APOL4: variants seen among roughly 807,000 people sequenced by gnomAD.
APOL4 encodes the protein apolipoprotein L4.
A neutral mutation model predicts 12.1 loss-of-function variants in APOL4; 14 were observed. The ratio of observed to expected loss-of-function variants is 1.16; its 90% CI spans 0.76 to 1.81. The LOEUF is 1.81. APOL4 is among the 40% of genes most tolerant of loss of function. The pLI, the probability that APOL4 is intolerant of heterozygous loss-of-function variation, is 0.00. For missense variants in APOL4, 432 were observed against 423.1 expected (o/e 1.02, Z -0.18); for synonymous variants, 171 against 160.6 (o/e 1.06, Z -0.49).
chr22:36,192,609 G>A (rs2014291254), intron 3 of APOL4, among the ~76,000 whole-genome samples: 1 of 152,166 alleles, frequency 6.6e-6, no homozygotes, highest in Non-Finnish European at 1.5e-5. Context: ...TCATAGAACA[G>A]TGATGAATTA....
At chr22:36,200,723 C>A (rs2014546077) in intron 1 of APOL4, among the ~76,000 whole-genome samples, 3 of 152,350 alleles carry the variant, frequency 2.0e-5, no homozygotes, top group East Asian at 3.9e-4. Context: ...TAGAGCCACA[C>A]TACATGCAAA....
At chr22:36,192,781 G>T (rs962951218) in intron 3 of APOL4, among the ~76,000 whole-genome samples, 2 of 152,176 alleles carry the variant, frequency 1.3e-5, no homozygotes, top group African/African-American at 4.8e-5. Context: ...GGGCTATTAG[G>T]TGTCTCATCT....
upstream of APOL4, among the ~76,000 whole-genome samples, chr22:36,203,711 A>G (rs1412211520): frequency 6.6e-6 from 1 of 152,182 alleles, no homozygotes; most frequent in Admixed American, 6.5e-5. Flanking sequence ...AGATGATAGC[A>G]TTTATAGCCC....
intron 2 of APOL4, 95 bp from the exon 3 acceptor site, chr22:36,195,532 C>T (rs544510660): frequency 7.7e-4 from 1,088 of 1,413,640 alleles, no homozygotes; most frequent in Non-Finnish European, 9.7e-4. Context: ...CCTCCTGAAC[C>T]AGCTGTCACA....
chr22:36,202,591 T>G (rs1463908309), upstream of APOL4, among the ~76,000 whole-genome samples: 1 of 151,374 alleles, frequency 6.6e-6, no homozygotes, highest in Non-Finnish European at 1.5e-5. Flanking sequence ...CCGAGTGTAG[T>G]GGCGGGCGCC....
intron 2 of APOL4, chr22:36,197,450 G>T (rs1603478367): frequency 1.4e-6 from 1 of 733,058 alleles, no homozygotes; most frequent in East Asian, 3.3e-5. Context: ...TGGATGGAGG[G>T]AACCTCCAGC....
At chr22:36,199,683 C>T (rs184022626) in intron 1 of APOL4, 42 of 1,528,942 alleles carry the variant, frequency 2.7e-5, no homozygotes, top group African/African-American at 2.3e-4. Context: ...ACAGTCTATA[C>T]GCAGAAATAG....
chr22:36,199,495 C>G, intron 1 of APOL4, 119 bp from the exon 2 acceptor site: 1 of 1,612,328 alleles, frequency 6.2e-7, no homozygotes, highest in Admixed American at 1.7e-5. Flanking sequence ...CAAGACCAAC[C>G]TAACCCAGAT....
In APOL4 at chr22:36,199,445, G is replaced by C. The variant is rs1356968921; in HGVS notation, c.36-69C>G. The stretch of plus-strand genomic sequence containing the variant: ...CTATGGGCAAAGGGAGGCTTGAACA[G>C]CTGGGCCTCTGCAGATCCCTCTGAG... On this transcript the variant is annotated intron_variant, in intron 1 of 3. Coordinates refer to ENST00000683024, the MANE Select transcript of APOL4 (RefSeq NM_001386885.1). The C allele has an allele frequency of 1.2e-5, 19 of 1,613,018 alleles. No individual in the cohort carries two copies. The East Asian group carries it at 2.7e-4, about 23-fold the overall frequency.
At chr22:36,204,747 C>T (rs1179454391), upstream of APOL4, 3 of 315,136 alleles carry the variant, frequency 9.5e-6, no homozygotes, top group Admixed American at 4.4e-5. Flanking sequence ...CCAAGATATA[C>T]CCAGGAATTC....
chr22:36,197,814 G>T (rs1379656298), intron 2 of APOL4: 1 of 1,549,466 alleles, frequency 6.5e-7, no homozygotes, highest in Admixed American at 2.0e-5. Context: ...CAGGGGGAGG[G>T]GATGGGCCCA....
chr22:36,203,965 T>C (rs2014659895), upstream of APOL4, among the ~76,000 whole-genome samples: 1 of 152,166 alleles, frequency 6.6e-6, no homozygotes, highest in African/African-American at 2.4e-5. Context: ...TTCTTCTCCA[T>C]CACCCCAGAG....
upstream of APOL4, chr22:36,202,214 T>G: frequency 4.2e-6 from 4 of 955,388 alleles, no homozygotes; most frequent in Non-Finnish European, 6.3e-6. Context: ...TCAAGTGATC[T>G]TCCTCCTTCA....
In APOL4 at chr22:36,191,059, C is replaced by G. The variant is rs1230189568; in HGVS notation, c.*16G>C. 1.3e-6 allele frequency: 2 copies of G among 1,567,524 alleles called. No homozygotes were observed. Reference sequence around the variant, plus strand: ...TCCCTCCGTTTGGGGTCCCTGACTTCCCGCAACAATTGGGCCTAGCCTGCT... The same window carrying G: ...TCCCTCCGTTTGGGGTCCCTGACTTGCCGCAACAATTGGGCCTAGCCTGCT... On this transcript the variant is annotated 3_prime_UTR_variant, in exon 4 of 4. Coordinates refer to ENST00000683024, the MANE Select transcript of APOL4 (RefSeq NM_001386885.1).
In APOL4 at chr22:36,199,380, G is replaced by A; in HGVS notation, c.36-4C>T. On this transcript the variant is annotated splice_region_variant and splice_polypyrimidine_tract_variant and intron_variant, in intron 1 of 3. Transcript: ENST00000683024. The stretch of plus-strand genomic sequence containing the variant: ...GCCTGGATGGTTTTGCTGCACCCTT[G>A]AGGAAGAGAAAACAAATTGTGGGAT... 6.2e-7 allele frequency: 1 copy of A among 1,614,056 alleles called. No homozygotes were observed. The highest frequency in any genetic ancestry group is 8.5e-7 in the Non-Finnish European group (1 of 1,179,890).
chr22:36,199,182 T>G, intron 2 of APOL4, 148 bp downstream of exon 2: 1 of 1,114,300 alleles, frequency 9.0e-7, no homozygotes, highest in Non-Finnish European at 1.3e-6. Flanking sequence ...CTCTTGGGGC[T>G]TGGGGCAGCC....
Position 36,191,471 on chromosome 22 carries a change from G to A in APOL4, c.651C>T (p.Asp217=), listed in dbSNP as rs1464391688. 1 of 1,614,064 alleles carries A rather than the reference G, an allele frequency of 6.2e-7. No homozygotes were observed. Among genetic ancestry groups the A allele is most frequent in the Non-Finnish European group, 8.5e-7 (1 of 1,179,900 alleles). Residue 217 remains aspartate (D), a synonymous_variant, in exon 4 of 4, where the codon GAC becomes GAT. Coordinates refer to ENST00000683024, the MANE Select transcript of APOL4 (RefSeq NM_001386885.1). ...TSTDQLEALR[D]ILRDITPNVL... is the part of the protein sequence containing the mutation. ...CATTGGGTGTGATGTCACGCAGAAT[G>A]TCCCTTAATGCCTCCAATTGGTCAG...
intron 1 of APOL4, chr22:36,201,465 G>T: frequency 5.6e-6 from 5 of 895,284 alleles, no homozygotes; most frequent in Non-Finnish European, 7.8e-6. Flanking sequence ...GTAAAAGGGG[G>T]ACCCAGTCCT....
upstream of APOL4, among the ~76,000 whole-genome samples, chr22:36,203,027 A>G (rs1413040064): frequency 5.9e-5 from 9 of 152,204 alleles, no homozygotes; most frequent in Admixed American, 5.9e-4. Flanking sequence ...TCACTCCTGT[A>G]GTTACACTCA....
Sources: gnomAD v4.1 joint callset for allele counts (sites outside exome capture counted in the v4.1 genomes callset) on GRCh38, gnomAD v4.1.1 for gene constraint, MANE v1.5 for transcripts, NCBI Gene and HGNC (gene_info 2026-07-23, HGNC 2026-07-21) for gene names.